USP25: variants seen among roughly 807,000 people sequenced by gnomAD.
USP25 encodes the protein ubiquitin specific peptidase 25, also known as ubiquitin carboxyl-terminal hydrolase 25.
USP25 carries 85 observed loss-of-function variants against 158.5 expected under a neutral mutation model. That is an observed-to-expected ratio of 0.54 (90% CI 0.45 to 0.64). The LOEUF is 0.64. USP25 is among the 30% of genes least tolerant of loss of function. The probability of loss-of-function intolerance (pLI) is 0.00; values close to 1 mark genes in which losing one functional copy is unlikely to be tolerated. For missense variants in USP25, 1,242 were observed against 1,327.3 expected (o/e 0.94, Z 1.00); for synonymous variants, 464 against 460.4 (o/e 1.01, Z -0.10).
At position 15,831,648 on chromosome 21, in the gene USP25, G is replaced by T. The variant is rs759874139; in HGVS notation, c.1993+19G>T. On this transcript the variant is annotated intron_variant, in intron 16 of 25. Coordinates refer to ENST00000400183, the MANE Select transcript of USP25 (RefSeq NM_001283041.3). Reference sequence around the variant, plus strand: ...ATACAAGGTAAGAATATATAGGGTGGTGTGTATTTTTAAATAGTCATAAAA... The same window carrying T: ...ATACAAGGTAAGAATATATAGGGTGTTGTGTATTTTTAAATAGTCATAAAA... 11 of 1,599,626 alleles carry T rather than the reference G, an allele frequency of 6.9e-6. No individual in the cohort carries two copies. The highest frequency in any genetic ancestry group is 9.4e-6 in the Non-Finnish European group (11 of 1,168,098).
intron 20 of USP25, among the ~76,000 whole-genome samples, chr21:15,860,609 A>G (rs940990073): frequency 2.0e-5 from 3 of 152,086 alleles, no homozygotes; most frequent in East Asian, 3.8e-4. Context: ...TATAATTCCT[A>G]TTTGTATTAC....
intron 1 of USP25, among the ~76,000 whole-genome samples, chr21:15,746,548 C>G (rs372702910): frequency 5.9e-5 from 9 of 152,078 alleles, no homozygotes; most frequent in African/African-American, 1.9e-4. Flanking sequence ...GTGTGTGCCA[C>G]CACACCCGGC....
Position 15,730,304 on chromosome 21 carries a change from T to G in USP25, c.-90T>G. 1 of 1,014,680 alleles carries G rather than the reference T, an allele frequency of 9.9e-7. No individual in the cohort carries two copies. The highest frequency in any genetic ancestry group is 1.2e-6 in the Non-Finnish European group (1 of 850,048). 62.9% of individuals were successfully genotyped at this position (1,014,680 alleles called of 1,614,324 possible). On this transcript the variant is annotated 5_prime_UTR_variant, in exon 1 of 26. Transcript: ENST00000400183. ...CTCCCAGGCCGTCCGCGCCGCTCCC[T>G]GGAGCTCGGCGGAGCGCGGCAGCCA...
chr21:15,866,217 AT>A, intron 21 of USP25, 48 bp from the exon 22 acceptor site: 1 of 1,176,300 alleles, frequency 8.5e-7, no homozygotes, highest in South Asian at 2.0e-5. Context: ...ATATATATAT[AT>A]ATACACACAC....
chr21:15,746,083 A>G (rs2032534883), intron 1 of USP25, among the ~76,000 whole-genome samples: 1 of 152,234 alleles, frequency 6.6e-6, no homozygotes, highest in Admixed American at 6.5e-5. Flanking sequence ...TTTCTTGATT[A>G]CTGTGGCTTT....
rs1019282126 is a variant in USP25 at position 15,799,777 on chromosome 21, A to G, written c.576A>G (p.Glu192=). The change falls in exon 6 of 26, where the codon GAA becomes GAG. Residue 192 remains glutamate, a synonymous_variant. Transcript: ENST00000400183. ...TTCAGTCATTATTTAATCTTTTGGA[A>G]TTTAGAAGATTAGTTCTGAATTACA... ...AVIQSLFNLL[E]FRRLVLNYKP... is the part of the protein sequence containing the mutation. 9 of 1,597,740 alleles carry G rather than the reference A, an allele frequency of 5.6e-6. No homozygotes were observed. In the East Asian group the frequency reaches 2.0e-4, roughly 36 times the overall value.
At chr21:15,857,220 C>T (rs549799729) in intron 20 of USP25, among the ~76,000 whole-genome samples, 70 of 152,292 alleles carry the variant, frequency 4.6e-4, no homozygotes, top group African/African-American at 1.6e-3. Flanking sequence ...CAGTGTCTGT[C>T]ACATAAAGAA....
At chr21:15,737,910 A>G (rs1479314475) in intron 1 of USP25, among the ~76,000 whole-genome samples, 1 of 152,012 alleles carries the variant, frequency 6.6e-6, no homozygotes. Flanking sequence ...AAATTTGAAA[A>G]TCTGAAATCT....
intron 23 of USP25, among the ~76,000 whole-genome samples, chr21:15,872,901 A>G (rs1044617803): frequency 1.4e-4 from 21 of 152,162 alleles, no homozygotes; most frequent in South Asian, 6.2e-4. Flanking sequence ...TTTCTTTACA[A>G]TATTTCATTT....
At chr21:15,754,006 G>A (rs923828135) in intron 1 of USP25, among the ~76,000 whole-genome samples, 1 of 152,060 alleles carries the variant, frequency 6.6e-6, no homozygotes, top group Non-Finnish European at 1.5e-5. Context: ...AGTCACTCAA[G>A]TAATAAAAGT....
intron 4 of USP25, among the ~76,000 whole-genome samples, chr21:15,783,867 G>A (rs954132512): frequency 3.4e-4 from 51 of 152,196 alleles, no homozygotes; most frequent in Admixed American, 5.2e-4. Flanking sequence ...CTACTTGGGA[G>A]GCTGAGGCAG....
chr21:15,777,489 C>G (rs2034723781), intron 3 of USP25, among the ~76,000 whole-genome samples: 1 of 152,072 alleles, frequency 6.6e-6, no homozygotes, highest in South Asian at 2.1e-4. Context: ...TTGATAATGT[C>G]TAGATGGTAG....
chr21:15,862,597 A>G (rs2039475341), intron 20 of USP25, among the ~76,000 whole-genome samples: 1 of 133,872 alleles, frequency 7.5e-6, no homozygotes. Flanking sequence ...CCGAATTTGG[A>G]TAATAGGAAG....
At chr21:15,784,899 C>T (rs941492548) in intron 4 of USP25, among the ~76,000 whole-genome samples, 8 of 151,526 alleles carry the variant, frequency 5.3e-5, no homozygotes, top group Non-Finnish European at 8.8e-5. Context: ...TAAATTATTA[C>T]TTATCAGTAG....
chr21:15,730,976 G>GTTTTTTTCTTTTTTT (rs2030794501), intron 1 of USP25, among the ~76,000 whole-genome samples: 1 of 53,646 alleles, frequency 1.9e-5, no homozygotes, highest in African/African-American at 6.9e-5. Flanking sequence ...CTTCTTTTCT[G>GTTTTTTTCTTTTTTT]TTTTTTTTTT....
chr21:15,756,035 TTGTCTTTG>T (rs1177270909), intron 1 of USP25, among the ~76,000 whole-genome samples: 1 of 152,170 alleles, frequency 6.6e-6, no homozygotes. Flanking sequence ...CAAACAAAAG[TTGTCTTTG>T]TTATATAGAT....
intron 15 of USP25, 102 bp from the exon 16 acceptor site, chr21:15,831,299 C>T (rs2146389089): frequency 2.9e-6 from 3 of 1,045,980 alleles, no homozygotes; most frequent in Non-Finnish European, 2.8e-6. Flanking sequence ...AAAAAAAATG[C>T]TCTTATGGTT....
intron 24 of USP25, chr21:15,876,103 C>T (rs983436202): frequency 1.3e-5 from 2 of 152,026 alleles, no homozygotes; most frequent in Admixed American, 6.5e-5. Context: ...ACTAGTTTTT[C>T]GTTTAATATT....
At position 15,777,920 on chromosome 21, in the gene USP25, T is replaced by C. The variant is rs1261100892; in HGVS notation, c.285T>C (p.Thr95=). The C allele has an allele frequency of 3.1e-6, 5 of 1,608,970 alleles. No homozygotes were observed. The South Asian group carries it at 4.5e-5, about 14-fold the overall frequency. The change falls in exon 4 of 26, where the codon ACT becomes ACC. Residue 95 remains threonine (T), a synonymous_variant. Transcript: ENST00000400183. The part of the protein sequence containing the change: ...SQADTNVIDL[T]GDDKDDLQRA... Reference sequence around the variant, plus strand: ...GCTTTTCAGATGTGATTGATCTCACTGGAGATGATAAAGATGATCTTCAGA... The same window carrying C: ...GCTTTTCAGATGTGATTGATCTCACCGGAGATGATAAAGATGATCTTCAGA...
Sources: gnomAD v4.1 joint callset for allele counts (sites outside exome capture counted in the v4.1 genomes callset) on GRCh38, gnomAD v4.1.1 for gene constraint, MANE v1.5 for transcripts, NCBI Gene and HGNC (gene_info 2026-07-23, HGNC 2026-07-21) for gene names.